ACTR3C: variants seen among roughly 807,000 people sequenced by gnomAD.
ACTR3C encodes actin-related protein 3C.
ACTR3C carries 18 observed loss-of-function variants against 26.3 expected under a neutral mutation model. The observed-to-expected ratio is 0.68, with a 90% CI of 0.47 to 1.01. ACTR3C has a LOEUF of 1.01. Ranked by LOEUF, ACTR3C falls within the 50% of genes least tolerant of loss-of-function variation. The pLI is 0.00. For synonymous variants in ACTR3C, 55 were observed against 94.5 expected, an observed-to-expected ratio of 0.58 and a Z score of 2.42; for missense variants, 184 against 250.7, an observed-to-expected ratio of 0.73 and a Z score of 1.80.
At chr7:149,921,037 T>C in the ACTR3C span, among the ~76,000 whole-genome samples, 146,006 of 151,950 alleles carry the variant, frequency 0.96, 70,343 homozygotes, top group East Asian at 1. Flanking sequence ...ATTACAGGCG[T>C]GAGCCACCGT....
At chr7:150,047,822 C>T in the ACTR3C span, 1 of 1,528,118 alleles carries the variant, frequency 6.5e-7, no homozygotes, top group Admixed American at 2.0e-5. Flanking sequence ...AGGTGTTGAT[C>T]TTGCCGGTGA....
the ACTR3C span, among the ~76,000 whole-genome samples, chr7:150,132,811 C>A: frequency 6.6e-6 from 1 of 152,144 alleles, no homozygotes; most frequent in Non-Finnish European, 1.5e-5. Context: ...ATGTTCCTTG[C>A]AGCACTACTC....
intron 6 of ACTR3C, among the ~76,000 whole-genome samples, chr7:150,259,216 C>T (rs1269526949): frequency 7.4e-6 from 1 of 135,408 alleles, no homozygotes; most frequent in Non-Finnish European, 1.6e-5. Flanking sequence ...GAATGTCTGA[C>T]ACATACAAAA....
At chr7:150,141,179 G>A in the ACTR3C span, among the ~76,000 whole-genome samples, 3 of 152,246 alleles carry the variant, frequency 2.0e-5, no homozygotes, top group Non-Finnish European at 4.4e-5. Flanking sequence ...GCAAGGTGAA[G>A]CAGCAAGTGC....
the ACTR3C span, among the ~76,000 whole-genome samples, chr7:150,162,333 A>ATT: frequency 1.0e-2 from 1,507 of 150,992 alleles, 26 homozygotes; most frequent in African/African-American, 0.031. Flanking sequence ...TGCAAAAGTA[A>ATT]TTTTTTTTTT....
chr7:150,042,840 A>G, the ACTR3C span, among the ~76,000 whole-genome samples: 17 of 150,674 alleles, frequency 1.1e-4, no homozygotes, highest in African/African-American at 3.7e-4. Context: ...TCCAGCTGCC[A>G]TCTTTTCTCT....
chr7:150,216,237 C>T, the ACTR3C span, among the ~76,000 whole-genome samples: 1 of 152,150 alleles, frequency 6.6e-6, no homozygotes, highest in Non-Finnish European at 1.5e-5. Flanking sequence ...TTTTCAGGAC[C>T]TATATCCATG....
chr7:150,020,403 T>C, the ACTR3C span, among the ~76,000 whole-genome samples: 1 of 152,110 alleles, frequency 6.6e-6, no homozygotes, highest in African/African-American at 2.4e-5. Flanking sequence ...TCTAGAGACC[T>C]ATTTCGGTTT....
At chr7:150,199,047 C>T in the ACTR3C span, among the ~76,000 whole-genome samples, 4 of 147,896 alleles carry the variant, frequency 2.7e-5, no homozygotes, top group East Asian at 2.0e-4. Flanking sequence ...TCTGCCCGGC[C>T]GCCCCTACTG....
the ACTR3C span, among the ~76,000 whole-genome samples, chr7:150,169,148 G>A: frequency 2.0e-5 from 3 of 150,206 alleles, no homozygotes; most frequent in Admixed American, 6.6e-5. Context: ...TTGGGAGGCC[G>A]AGGTGGGCAC....
the ACTR3C span, among the ~76,000 whole-genome samples, chr7:149,927,585 G>T: frequency 6.6e-6 from 1 of 151,514 alleles, no homozygotes; most frequent in Non-Finnish European, 1.5e-5. Context: ...AAAATTAGCC[G>T]GGCATAGTGG....
In ACTR3C at chr7:150,297,490, A is replaced by G. The variant is rs1189148584; in HGVS notation, c.-51-2143T>C. On this transcript the variant is annotated intron_variant, in intron 1 of 7. Coordinates refer to ENST00000683684, the MANE Select transcript of ACTR3C (RefSeq NM_001164458.2). ...TTAGAGGATAAACTTTATCCACTCA[A>G]GAAGAATGCAGAAAGTCCAGCAAAA... is the stretch of plus-strand genomic sequence containing the variant. 5.9e-5 allele frequency among the ~76,000 whole-genome samples: 9 copies of G among 152,240 alleles called. No homozygotes were observed. In the East Asian group the frequency reaches 1.5e-3, roughly 26 times the overall value.
chr7:150,035,564 C>CAA, the ACTR3C span, among the ~76,000 whole-genome samples: 1 of 120,364 alleles, frequency 8.3e-6, no homozygotes, highest in African/African-American at 3.2e-5. Context: ...GTCCGCAGAG[C>CAA]CGGGGGGGAA....
At chr7:150,111,584 G>A in the ACTR3C span, among the ~76,000 whole-genome samples, 145 of 88,596 alleles carry the variant, frequency 1.6e-3, 14 homozygotes, top group Non-Finnish European at 9.2e-4. Context: ...ACTGTGACAC[G>A]CTCACACTTT....
chr7:149,959,864 G>A, the ACTR3C span, among the ~76,000 whole-genome samples: 60 of 152,302 alleles, frequency 3.9e-4, no homozygotes, highest in Non-Finnish European at 7.3e-4. Flanking sequence ...TGTGTTGAGC[G>A]GACATACACT....
At chr7:150,040,873 C>T in the ACTR3C span, among the ~76,000 whole-genome samples, 4 of 148,920 alleles carry the variant, frequency 2.7e-5, no homozygotes, top group Admixed American at 6.6e-5. Flanking sequence ...TCAACCACCA[C>T]GAAATGGGAG....
At chr7:149,977,928 GGT>G in the ACTR3C span, among the ~76,000 whole-genome samples, 2 of 151,186 alleles carry the variant, frequency 1.3e-5, no homozygotes, top group African/African-American at 4.9e-5. Context: ...CAGAATCAGA[GGT>G]AATAGGGAAG....
chr7:149,935,665 G>A, the ACTR3C span, among the ~76,000 whole-genome samples: 1 of 122,118 alleles, frequency 8.2e-6, no homozygotes, highest in Admixed American at 9.0e-5. Context: ...GCCTCCCAAA[G>A]TGCTGGGATT....
the ACTR3C span, among the ~76,000 whole-genome samples, chr7:150,046,142 G>A: frequency 6.6e-6 from 1 of 152,114 alleles, no homozygotes; most frequent in African/African-American, 2.4e-5. Flanking sequence ...ACAAAACCTC[G>A]TGCAAAATCT....
Sources: gnomAD v4.1 joint callset for allele counts (sites outside exome capture counted in the v4.1 genomes callset) on GRCh38, gnomAD v4.1.1 for gene constraint, MANE v1.5 for transcripts, NCBI Gene and HGNC (gene_info 2026-07-23, HGNC 2026-07-21) for gene names.